Variants in CEP192 observed in about 807,000 individuals in gnomAD.
The protein encoded by CEP192 is centrosomal protein 192, also known as centrosomal protein of 192 kDa.
In CEP192, 151 loss-of-function variants were observed where a neutral mutation model predicts 271.8. That is an observed-to-expected ratio of 0.56 (90% CI 0.49 to 0.64). The LOEUF (loss-of-function observed/expected upper bound fraction) is 0.64. Among genes scored for constraint, CEP192 ranks in the 30% least tolerant of loss-of-function variants. The pLI, the probability that CEP192 is intolerant of heterozygous loss-of-function variation, is 0.00. For missense variants in CEP192, 2,910 were observed against 3,020.5 expected (o/e 0.96, Z 0.86); for synonymous variants, 995 against 1,076.5 (o/e 0.92, Z 1.48).
rs1178245877 is a variant in CEP192, at chr18:13,008,495, T to G, written c.330T>G (p.Arg110=). The change falls in exon 4 of 45, where the codon CGT becomes CGG. Residue 110 remains arginine, a synonymous_variant. Coordinates refer to ENST00000506447, the MANE Select transcript of CEP192 (RefSeq NM_032142.4). ...SRKKSYVESQ[R]LSNALSKQSA... is the part of the protein sequence containing the mutation. ...AAAAGAGCTATGTGGAAAGTCAACG[T>G]TTGTCAAATGCTCTCAGCAAACAGT... The G allele has an allele frequency of 6.4e-7, 1 of 1,551,030 alleles. No homozygotes were observed. Among genetic ancestry groups the G allele is most frequent in the African/African-American group, 1.4e-5 (1 of 73,112 alleles).
Position 13,057,602 on chromosome 18 carries a change from G to A in CEP192, c.4126G>A (p.Glu1376Lys), listed in dbSNP as rs1472527648. The A allele has an allele frequency of 1.1e-5, 17 of 1,614,018 alleles. No homozygotes were observed. The highest frequency in any genetic ancestry group is 1.7e-5 in the Admixed American group (1 of 60,022). ...TSGLGSVRVP[E>K]ELKLPHACCV... Reference sequence around the variant, plus strand: ...TCACCCAGGGAGTGTCCGAGTGCCCGAGGAGTTGAAGCTTCCTCATGCTTG... The same window carrying A: ...TCACCCAGGGAGTGTCCGAGTGCCCAAGGAGTTGAAGCTTCCTCATGCTTG... Residue 1376 changes from glutamate to lysine, a missense_variant, in exon 20 of 45, where the codon GAG (glutamate) becomes AAG (lysine). Physicochemically the swap from Glu to Lys is moderately conservative, Grantham distance 56. Coordinates refer to ENST00000506447, the MANE Select transcript of CEP192 (RefSeq NM_032142.4).
intron 30 of CEP192, among the ~76,000 whole-genome samples, chr18:13,078,184 T>G (rs955784314): frequency 6.6e-6 from 1 of 152,162 alleles, no homozygotes; most frequent in African/African-American, 2.4e-5. Context: ...GAACATGTGG[T>G]GTCTGGTTTT....
intron 38 of CEP192, among the ~76,000 whole-genome samples, chr18:13,101,920 G>A (rs1424696517): frequency 6.6e-6 from 1 of 152,096 alleles, no homozygotes; most frequent in Admixed American, 6.5e-5. Flanking sequence ...TGTTTCACAG[G>A]CTTCCATGAC....
intron 33 of CEP192, among the ~76,000 whole-genome samples, chr18:13,092,136 A>G (rs1005445801): frequency 6.6e-6 from 1 of 152,204 alleles, no homozygotes; most frequent in Non-Finnish European, 1.5e-5. Context: ...TAACTTGCCA[A>G]AAGTCACAAA....
Position 13,099,531 on chromosome 18 carries a change from A to G in CEP192, c.6613A>G (p.Met2205Val), listed in dbSNP as rs748499149. 5.7e-5 allele frequency: 92 copies of G among 1,605,182 alleles called. No homozygotes were observed. In the South Asian group the frequency reaches 5.9e-4, roughly 10 times the overall value. The stretch of plus-strand genomic sequence containing the variant: ...TTCCTCCTTATCCACAAAACAGTCA[A>G]TGTTCCCGTGGAGTGGTTTGATCTA... ...PNSSLSTKQS[M>V]FPWSGLIYIH... The change falls in exon 37 of 45, where the codon ATG becomes GTG. Residue 2205 changes from methionine (M) to valine (V), a missense_variant. Met to Val is a conservative substitution (Grantham distance 21). Coordinates refer to ENST00000506447, the MANE Select transcript of CEP192 (RefSeq NM_032142.4).
At chr18:13,050,032 T>C (rs2036693738) in intron 17 of CEP192, 141 bp downstream of exon 17, 2 of 658,988 alleles carry the variant, frequency 3.0e-6, no homozygotes, top group Non-Finnish European at 2.4e-6. Context: ...TCTTTCCAGC[T>C]ATTTTTCTGT....
intron 30 of CEP192, among the ~76,000 whole-genome samples, chr18:13,077,453 A>G (rs1228227700): frequency 6.6e-6 from 1 of 152,252 alleles, no homozygotes; most frequent in Non-Finnish European, 1.5e-5. Context: ...GGGATACTCA[A>G]CATGTAATTA....
At chr18:13,113,192 G>A (rs773240751) in intron 40 of CEP192, among the ~76,000 whole-genome samples, 1 of 152,186 alleles carries the variant, frequency 6.6e-6, no homozygotes, top group Non-Finnish European at 1.5e-5. Flanking sequence ...TGGCCGCTGT[G>A]AGGCCCTTGT....
intron 40 of CEP192, among the ~76,000 whole-genome samples, chr18:13,108,143 A>G (rs926533093): frequency 1.2e-4 from 18 of 152,352 alleles, no homozygotes; most frequent in African/African-American, 4.3e-4. Context: ...ATGTATAAAA[A>G]TTAACTCAAG....
chr18:13,009,083 C>T (rs966903849), intron 4 of CEP192, among the ~76,000 whole-genome samples: 11 of 146,894 alleles, frequency 7.5e-5, no homozygotes, highest in Non-Finnish European at 1.5e-5. Flanking sequence ...GTCATGAACT[C>T]CTGGGCTCAA....
In CEP192 at chr18:13,089,517, A is replaced by T; in HGVS notation, c.6055A>T (p.Asn2019Tyr). The change falls in exon 33 of 45, where the codon AAC (asparagine) becomes TAC (tyrosine). Residue 2019 changes from asparagine to tyrosine, a missense_variant. Physicochemically the swap from Asn to Tyr is moderately radical, Grantham distance 143. Transcript: ENST00000506447. Reference protein sequence around the residue: ...QILPEHSVLQNINFVEAFQDE... With the variant: ...QILPEHSVLQYINFVEAFQDE... Reference sequence around the variant, plus strand: ...ACTTCCAGAACATAGTGTGCTTCAAAACATTAATTTTGTTGAAGCATTTCA... The same window carrying T: ...ACTTCCAGAACATAGTGTGCTTCAATACATTAATTTTGTTGAAGCATTTCA... The T allele has an allele frequency of 6.2e-7, 1 of 1,606,334 alleles. No individual in the cohort carries two copies. The highest frequency in any genetic ancestry group is 1.1e-5 in the South Asian group (1 of 90,202).
chr18:13,114,789 C>T (rs1317053483), intron 42 of CEP192, among the ~76,000 whole-genome samples: 2 of 152,204 alleles, frequency 1.3e-5, no homozygotes, highest in African/African-American at 2.4e-5. Flanking sequence ...ACATGATAAC[C>T]ATGTGTTGAA....
intron 39 of CEP192, among the ~76,000 whole-genome samples, chr18:13,104,477 C>A (rs2039861259): frequency 6.6e-6 from 1 of 151,988 alleles, no homozygotes; most frequent in South Asian, 2.1e-4. Flanking sequence ...AGTTTCTGGA[C>A]CTACTGTGAA....
intron 34 of CEP192, among the ~76,000 whole-genome samples, chr18:13,093,871 G>A (rs995729478): frequency 9.2e-5 from 14 of 152,186 alleles, no homozygotes; most frequent in African/African-American, 3.1e-4. Flanking sequence ...GTGTGTGCTA[G>A]GAGATCTGTC....
chr18:13,057,256 T>A (rs900736638), intron 19 of CEP192, among the ~76,000 whole-genome samples: 16 of 24,698 alleles, frequency 6.5e-4, no homozygotes, highest in African/African-American at 1.7e-3. Context: ...TTTTTTTGTT[T>A]GTTTTTTTTT....
intron 30 of CEP192, among the ~76,000 whole-genome samples, 171 bp downstream of exon 30, chr18:13,073,356 A>T (rs1351295167): frequency 6.6e-6 from 1 of 152,250 alleles, no homozygotes; most frequent in South Asian, 2.1e-4. Context: ...TTGGCAAGTT[A>T]TAATAGCAGC....
intron 40 of CEP192, among the ~76,000 whole-genome samples, chr18:13,107,507 T>C (rs1480139793): frequency 6.6e-6 from 1 of 152,210 alleles, no homozygotes. Flanking sequence ...TCTGAAAGCT[T>C]GGTTTTCATT....
intron 14 of CEP192, among the ~76,000 whole-genome samples, chr18:13,041,507 A>C (rs1264119542): frequency 6.6e-6 from 1 of 151,796 alleles, no homozygotes; most frequent in African/African-American, 2.4e-5. Context: ...ATACAGAGTC[A>C]GCTCATTTTC....
Position 13,068,249 on chromosome 18 carries a change from C to T in CEP192, c.4758+12C>T. On this transcript the variant is annotated intron_variant, in intron 23 of 44. Transcript: ENST00000506447. ...GTTATGATGGACAGGTGGGAGAGAACTGGCTTAGAATTAAAGAGGAAATTA... is the reference window on the plus strand; with the variant it reads ...GTTATGATGGACAGGTGGGAGAGAATTGGCTTAGAATTAAAGAGGAAATTA... 2 of 1,613,376 alleles carry T rather than the reference C, an allele frequency of 1.2e-6. No individual in the cohort carries two copies. Among genetic ancestry groups the T allele is most frequent in the Non-Finnish European group, 1.7e-6 (2 of 1,179,394 alleles).
Sources: gnomAD v4.1 joint callset for allele counts (sites outside exome capture counted in the v4.1 genomes callset) on GRCh38, gnomAD v4.1.1 for gene constraint, MANE v1.5 for transcripts, NCBI Gene and HGNC (gene_info 2026-07-23, HGNC 2026-07-21) for gene names.